The following ABCC2 variants were observed in gnomAD, a reference collection of about 807,000 sequenced individuals.
ABCC2 encodes the protein ATP binding cassette subfamily C member 2, also known as ATP-binding cassette sub-family C member 2.
Under a neutral mutation model 173.4 loss-of-function variants are expected in ABCC2, and 157 were observed. The ratio of observed to expected loss-of-function variants is 0.91; its 90% CI spans 0.80 to 1.03. The LOEUF is 1.03. Among genes scored for constraint, ABCC2 ranks in the 50% least tolerant of loss-of-function variants. ABCC2 has a pLI of 0.00. For missense variants in ABCC2, 1,822 were observed against 1,852.3 expected (o/e 0.98, Z 0.30); for synonymous variants, 657 against 693.5 (o/e 0.95, Z 0.83).
At chr10:99,846,483 C>G (rs1330049285) in intron 29 of ABCC2, among the ~76,000 whole-genome samples, 1 of 152,138 alleles carries the variant, frequency 6.6e-6, no homozygotes, top group Non-Finnish European at 1.5e-5. Flanking sequence ...CTTGAAATCA[C>G]GATTATGGGT....
At chr10:99,835,759 C>T (rs2038810322) in intron 24 of ABCC2, among the ~76,000 whole-genome samples, 1 of 152,128 alleles carries the variant, frequency 6.6e-6, no homozygotes, top group Non-Finnish European at 1.5e-5. Flanking sequence ...AGTACAGAAA[C>T]TGTCACATGG....
Position 99,792,319 on chromosome 10 carries a change from C to T in ABCC2, c.293C>T (p.Ala98Val). The T allele has an allele frequency of 6.2e-7, 1 of 1,614,138 alleles. No homozygotes were observed. The highest frequency in any genetic ancestry group is 8.5e-7 in the Non-Finnish European group (1 of 1,179,964). Residue 98 changes from alanine to valine, a missense_variant, in exon 3 of 32, where the codon GCT (alanine) becomes GTT (valine). Physicochemically the swap from Ala to Val is moderately conservative, Grantham distance 64. Transcript: ENST00000647814. Reference protein sequence around the residue: ...TEDSGQATVPAVRYTNPSLYL... With the variant: ...TEDSGQATVPVVRYTNPSLYL... ...GACTCTGGACAAGCCACAGTCCCTG[C>T]TGTTCGATATACCAATCCAAGCCTC...
At chr10:99,811,481 G>T in intron 14 of ABCC2, 55 bp from the exon 15 acceptor site, 2 of 1,563,016 alleles carry the variant, frequency 1.3e-6, no homozygotes, top group Non-Finnish European at 1.8e-6. Flanking sequence ...ACACGTGAGG[G>T]CAGACAGTCA....
chr10:99,845,875 G>A, intron 29 of ABCC2, 93 bp downstream of exon 29: 2 of 1,364,008 alleles, frequency 1.5e-6, no homozygotes, highest in Non-Finnish European at 2.0e-6. Flanking sequence ...TGTTCAGTCA[G>A]CACTGTCAAT....
chr10:99,797,609 G>T, intron 7 of ABCC2: 2 of 406,110 alleles, frequency 4.9e-6, no homozygotes, highest in Admixed American at 3.7e-5. Flanking sequence ...TTTGCACCTT[G>T]GTACAAATTA....
chr10:99,814,108 TATGTGTATATACACAC>T (rs1343118528), intron 16 of ABCC2, among the ~76,000 whole-genome samples: 1 of 128,086 alleles, frequency 7.8e-6, no homozygotes, highest in African/African-American at 2.9e-5. Flanking sequence ...TATACACACA[TATGTGTATATACACAC>T]ATATGTGTGT....
At chr10:99,831,503 AC>A (rs2038737563) in intron 21 of ABCC2, 107 bp from the exon 22 acceptor site, 1 of 1,095,156 alleles carries the variant, frequency 9.1e-7, no homozygotes, top group African/African-American at 1.5e-5. Context: ...GCTACCTGCT[AC>A]CCATGCTCCC....
At chr10:99,844,613 ACACAG>A in intron 28 of ABCC2, 148 bp downstream of exon 28, 1 of 1,087,984 alleles carries the variant, frequency 9.2e-7, no homozygotes, top group Admixed American at 1.9e-5. Context: ...AGGTGTGGGG[ACACAG>A]TATCAGAGGG....
In ABCC2 at chr10:99,831,607, G is replaced by A. The variant is rs1279050728; in HGVS notation, c.2884-4G>A. Reference sequence around the variant, plus strand: ...CTACTAATATTGAGGTGGGGACTTTGCAGGTGAAGTTCTCCATCTACCTGG... The same window carrying A: ...CTACTAATATTGAGGTGGGGACTTTACAGGTGAAGTTCTCCATCTACCTGG... On this transcript the variant is annotated splice_polypyrimidine_tract_variant and splice_region_variant and intron_variant, in intron 21 of 31. Coordinates refer to ENST00000647814, the MANE Select transcript of ABCC2 (RefSeq NM_000392.5). The A allele has an allele frequency of 6.2e-7, 1 of 1,613,448 alleles. No individual in the cohort carries two copies. The highest frequency in any genetic ancestry group is 2.2e-5 in the East Asian group (1 of 44,880).
chr10:99,828,450 C>A (rs1171530789), intron 19 of ABCC2, among the ~76,000 whole-genome samples: 1 of 152,170 alleles, frequency 6.6e-6, no homozygotes, highest in Non-Finnish European at 1.5e-5. Context: ...CCACACATTT[C>A]TGGAGGCTAG....
chr10:99,805,059 A>T (rs1435230170), intron 10 of ABCC2, among the ~76,000 whole-genome samples: 2 of 152,148 alleles, frequency 1.3e-5, no homozygotes, highest in African/African-American at 4.8e-5. Context: ...ATTTAAGCTG[A>T]ACTCTGAATG....
At chr10:99,796,231 G>A in intron 6 of ABCC2, among the ~76,000 whole-genome samples, 1 of 152,050 alleles carries the variant, frequency 6.6e-6, no homozygotes, top group East Asian at 1.9e-4. Context: ...GGGGCCTGGT[G>A]CAGTGGTTCA....
chr10:99,827,272 T>A (rs1346781524), intron 19 of ABCC2, among the ~76,000 whole-genome samples: 1 of 152,194 alleles, frequency 6.6e-6, no homozygotes, highest in East Asian at 1.9e-4. Flanking sequence ...GGAAGAGGAC[T>A]TGGCCCTCGT....
intron 23 of ABCC2, among the ~76,000 whole-genome samples, chr10:99,832,471 AG>A (rs1369893552): frequency 3.3e-5 from 5 of 152,194 alleles, no homozygotes; most frequent in Admixed American, 3.3e-4. Flanking sequence ...TGCGTGATAA[AG>A]GTGGGAAATG....
intron 16 of ABCC2, among the ~76,000 whole-genome samples, chr10:99,816,574 CCA>C (rs987665223): frequency 4.6e-5 from 7 of 152,194 alleles, no homozygotes; most frequent in African/African-American, 1.7e-4. Context: ...GCCACCGCGC[CCA>C]GTTTCCATCT....
At chr10:99,828,724 G>C (rs1445227298) in intron 19 of ABCC2, among the ~76,000 whole-genome samples, 2 of 152,092 alleles carry the variant, frequency 1.3e-5, no homozygotes, top group Admixed American at 1.3e-4. Flanking sequence ...TCCCTTAATT[G>C]CTTTGAAACA....
At chr10:99,797,442 T>C (rs1241064519) in intron 7 of ABCC2, 111 bp downstream of exon 7, 1 of 909,708 alleles carries the variant, frequency 1.1e-6, no homozygotes, top group Non-Finnish European at 1.8e-6. Flanking sequence ...TACTTCTCAG[T>C]GCACTTCATA....
intron 2 of ABCC2, among the ~76,000 whole-genome samples, chr10:99,789,709 C>CAAAAAAAA (rs11412117): frequency 1.0e-5 from 1 of 98,148 alleles, no homozygotes; most frequent in Non-Finnish European, 2.0e-5. Flanking sequence ...AACTCCGTCT[C>CAAAAAAAA]AAAAAAAAAA....
At chr10:99,839,128 C>T (rs1590188390) in intron 25 of ABCC2, among the ~76,000 whole-genome samples, 3 of 133,526 alleles carry the variant, frequency 2.2e-5, no homozygotes, top group South Asian at 2.3e-4. Context: ...GGCGGCTGGC[C>T]GGGCGGGGGG....
Sources: gnomAD v4.1 joint callset for allele counts (sites outside exome capture counted in the v4.1 genomes callset) on GRCh38, gnomAD v4.1.1 for gene constraint, MANE v1.5 for transcripts, NCBI Gene and HGNC (gene_info 2026-07-23, HGNC 2026-07-21) for gene names.